Variants in USP44 observed in about 807,000 individuals in gnomAD.
USP44 encodes ubiquitin specific peptidase 44.
In USP44, 61 loss-of-function variants were observed where a neutral mutation model predicts 69.0. The ratio of observed to expected loss-of-function variants is 0.88; its 90% CI spans 0.72 to 1.09. The LOEUF (loss-of-function observed/expected upper bound fraction) is 1.09. Among genes scored for constraint, USP44 ranks in the 50% least tolerant of loss-of-function variants. USP44 has a pLI of 0.00. For synonymous variants in USP44, 297 were observed against 295.4 expected (o/e 1.01, Z -0.06); for missense variants, 753 against 849.9 (o/e 0.89, Z 1.42).
At position 95,528,988 on chromosome 12, in the gene USP44, T is replaced by C. The variant is rs145220201; in HGVS notation, c.1443A>G (p.Ala481=). The C allele has an allele frequency of 4.7e-5, 76 of 1,611,710 alleles. No individual in the cohort carries two copies. The African/African-American group carries it at 9.2e-4, about 20-fold the overall frequency. ...GQLLSQVTCL[A]CDNKSNTIEP... is the part of the protein sequence containing the mutation. ...CTATGGTATTTGATTTGTTGTCACA[T>C]GCAAGACATGTAACCTGCAAATGAG... is the stretch of plus-strand genomic sequence containing the variant. Residue 481 remains alanine (A), a synonymous_variant, in exon 3 of 6, where the codon GCA becomes GCG. Coordinates refer to ENST00000258499, the MANE Select transcript of USP44 (RefSeq NM_032147.5).
chr12:95,530,692 TATAAA>T (rs1565816667), intron 2 of USP44, among the ~76,000 whole-genome samples: 1 of 150,848 alleles, frequency 6.6e-6, no homozygotes, highest in African/African-American at 2.4e-5. Context: ...GATAGATAGA[TATAAA>T]AGAAAAACAC....
chr12:95,519,910 C>G (rs2076600536), intron 5 of USP44, among the ~76,000 whole-genome samples: 1 of 143,900 alleles, frequency 6.9e-6, no homozygotes, highest in Non-Finnish European at 1.5e-5. Context: ...CGTGGTGGTG[C>G]ACACCTGCAA....
chr12:95,534,080 C>T lies in USP44; in HGVS notation c.177G>A (p.Lys59=), dbSNP rs754885754. The T allele has an allele frequency of 6.2e-7, 1 of 1,614,172 alleles. No individual in the cohort carries two copies. Among genetic ancestry groups the T allele is most frequent in the South Asian group, 1.1e-5 (1 of 91,084 alleles). Residue 59 remains lysine, a synonymous_variant, in exon 2 of 6, where the codon AAG becomes AAA. Transcript: ENST00000258499. The part of the protein sequence containing the change: ...CGRYIEEHAL[K]HFQESSHPVA... Reference sequence around the variant, plus strand: ...CAGGATGACTGCTTTCTTGAAAGTGCTTGAGTGCATGCTCTTCAATATATC... The same window carrying T: ...CAGGATGACTGCTTTCTTGAAAGTGTTTGAGTGCATGCTCTTCAATATATC...
intron 1 of USP44, among the ~76,000 whole-genome samples, chr12:95,542,378 T>C (rs1477252488): frequency 6.6e-6 from 1 of 152,210 alleles, no homozygotes; most frequent in Non-Finnish European, 1.5e-5. Context: ...GAAGATTGTA[T>C]AGATGTACAG....
At chr12:95,536,402 G>A (rs919112043) in intron 1 of USP44, among the ~76,000 whole-genome samples, 7 of 152,068 alleles carry the variant, frequency 4.6e-5, no homozygotes, top group Admixed American at 2.6e-4. Context: ...AAAATTTCCA[G>A]AGGTTTAAAA....
At chr12:95,545,318 A>C (rs2077535430) in intron 1 of USP44, among the ~76,000 whole-genome samples, 1 of 152,164 alleles carries the variant, frequency 6.6e-6, no homozygotes, top group Non-Finnish European at 1.5e-5. Context: ...AAAACTTGAA[A>C]TCTCCCAGAG....
intron 1 of USP44, among the ~76,000 whole-genome samples, chr12:95,537,395 T>C (rs1022566986): frequency 4.6e-5 from 7 of 152,164 alleles, no homozygotes; most frequent in African/African-American, 1.2e-4. Context: ...CTTAGCTCAC[T>C]GCAACCTCCA....
At chr12:95,522,418 T>C (rs2076694351) in intron 4 of USP44, among the ~76,000 whole-genome samples, 1 of 152,212 alleles carries the variant, frequency 6.6e-6, no homozygotes, top group South Asian at 2.1e-4. Flanking sequence ...TTGTGAAATA[T>C]ATATTTGGTT....
chr12:95,528,955 G>A lies in USP44; in HGVS notation c.1476C>T (p.Phe492=). The A allele has an allele frequency of 6.2e-7, 1 of 1,613,850 alleles. No homozygotes were observed. Among genetic ancestry groups the A allele is most frequent in the South Asian group, 1.1e-5 (1 of 91,050 alleles). Residue 492 remains phenylalanine (F), a synonymous_variant, in exon 3 of 6, where the codon TTC becomes TTT. Transcript: ENST00000258499. ...CDNKSNTIEP[F]WDLSLEFPER... Reference sequence around the variant, plus strand: ...CTGGAAACTCCAATGACAAGTCCCAGAAAGGTTCTATGGTATTTGATTTGT... The same window carrying A: ...CTGGAAACTCCAATGACAAGTCCCAAAAAGGTTCTATGGTATTTGATTTGT...
At chr12:95,541,062 G>A (rs2140345095) in intron 1 of USP44, among the ~76,000 whole-genome samples, 1 of 152,178 alleles carries the variant, frequency 6.6e-6, no homozygotes, top group African/African-American at 2.4e-5. Context: ...GGCGGATCAC[G>A]AGGTCAGGAG....
intron 2 of USP44, 117 bp downstream of exon 2, chr12:95,532,712 A>G (rs1468308990): frequency 1.2e-6 from 1 of 817,350 alleles, no homozygotes; most frequent in African/African-American, 1.7e-5. Flanking sequence ...AAAACAATCT[A>G]TTTTGACCTG....
intron 2 of USP44, among the ~76,000 whole-genome samples, chr12:95,529,664 G>A (rs555834620): frequency 1.3e-5 from 2 of 152,124 alleles, no homozygotes; most frequent in East Asian, 1.9e-4. Context: ...TAGGCGATCC[G>A]CCCACCTCGG....
At chr12:95,536,226 A>G (rs1308679470) in intron 1 of USP44, among the ~76,000 whole-genome samples, 1 of 151,780 alleles carries the variant, frequency 6.6e-6, no homozygotes, top group East Asian at 1.9e-4. Flanking sequence ...TATTTTTGGT[A>G]CAGACATAGT....
intron 1 of USP44, among the ~76,000 whole-genome samples, chr12:95,536,180 C>T (rs1197696872): frequency 1.3e-5 from 2 of 151,734 alleles, no homozygotes; most frequent in Non-Finnish European, 2.9e-5. Flanking sequence ...GTAGCTGAGA[C>T]CACAGGCATG....
At chr12:95,529,891 G>A (rs1427397768) in intron 2 of USP44, among the ~76,000 whole-genome samples, 2 of 152,096 alleles carry the variant, frequency 1.3e-5, no homozygotes, top group South Asian at 2.1e-4. Context: ...AAATAATGAT[G>A]TCATACTCCT....
intron 3 of USP44, among the ~76,000 whole-genome samples, chr12:95,527,097 CTT>C (rs1276106110): frequency 1.6e-4 from 21 of 133,968 alleles, no homozygotes; most frequent in Middle Eastern, 3.9e-3. Context: ...CTGGATCATT[CTT>C]TTTTTTTTTT....
intron 2 of USP44, among the ~76,000 whole-genome samples, chr12:95,530,905 C>G (rs923802920): frequency 1.3e-5 from 2 of 152,170 alleles, no homozygotes; most frequent in Non-Finnish European, 2.9e-5. Context: ...TGGCTCATGC[C>G]TGTAATCCCA....
At position 95,539,458 on chromosome 12, in the gene USP44, C is replaced by T. The variant is rs945571696; in HGVS notation, c.-70-5132G>A. On this transcript the variant is annotated intron_variant, in intron 1 of 5. Transcript: ENST00000258499. ...AGCCAGGATGGTCTCGATCTCCTGA[C>T]CTTGTGATCTGCCCGCCTCGGCCTC... 9.9e-5 allele frequency among the ~76,000 whole-genome samples: 15 copies of T among 152,214 alleles called. 1 individual carries two copies. Among genetic ancestry groups the T allele is most frequent in the East Asian group, 3.9e-4 (2 of 5,170 alleles).
In USP44 at chr12:95,521,640, T is replaced by C. The variant is rs564351222; in HGVS notation, c.1734-438A>G. Among the ~76,000 whole-genome samples the C allele has an allele frequency of 2.6e-5, 4 of 152,312 alleles. 1 individual carries two copies. The South Asian group carries it at 8.3e-4, about 32-fold the overall frequency. On this transcript the variant is annotated intron_variant, in intron 4 of 5. Coordinates refer to ENST00000258499, the MANE Select transcript of USP44 (RefSeq NM_032147.5). ...CTGGGACTGCAGCTGTGTGCCATCA[T>C]GCCTGGCTAATTTTTGTATTTTTAG...
Sources: gnomAD v4.1 joint callset for allele counts (sites outside exome capture counted in the v4.1 genomes callset) on GRCh38, gnomAD v4.1.1 for gene constraint, MANE v1.5 for transcripts, NCBI Gene and HGNC (gene_info 2026-07-23, HGNC 2026-07-21) for gene names.